ENPP5: variants seen among roughly 807,000 people sequenced by gnomAD.
The protein encoded by ENPP5 is ectonucleotide pyrophosphatase/phosphodiesterase family member 5.
Under a neutral mutation model 33.7 loss-of-function variants are expected in ENPP5, and 27 were observed. The observed-to-expected ratio is 0.80, with a 90% confidence interval of 0.59 to 1.11. ENPP5 has a LOEUF of 1.11. Ranked by LOEUF, ENPP5 falls within the 50% of genes least tolerant of loss-of-function variation. The pLI is 0.00. For missense variants in ENPP5, 552 were observed against 579.2 expected (o/e 0.95, Z 0.48); for synonymous variants, 199 against 200.5 (o/e 0.99, Z 0.06).
chr6:46,167,719 G>C lies in ENPP5; in HGVS notation c.544C>G (p.Leu182Val). Residue 182 changes from leucine to valine, a missense_variant, in exon 3 of 5, where the codon CTT (leucine) becomes GTT (valine). Physicochemically the swap from Leu to Val is conservative, Grantham distance 32 (BLOSUM62 1). Coordinates refer to ENST00000371383, the MANE Select transcript of ENPP5 (RefSeq NM_001290072.2). ...EWFTSKEPIN[L>V]GLLYWEDPDD... ...GGGTCTTCCCAATAGAGAAGACCAA[G>C]ATTTATGGGCTCTTTTGACGTAAAC... The C allele has an allele frequency of 6.2e-7, 1 of 1,614,174 alleles. No individual in the cohort carries two copies. Among genetic ancestry groups the C allele is most frequent in the South Asian group, 1.1e-5 (1 of 91,084 alleles).
chr6:46,163,052 G>A (rs1380476626), intron 4 of ENPP5, among the ~76,000 whole-genome samples: 1 of 152,020 alleles, frequency 6.6e-6, no homozygotes, highest in East Asian at 1.9e-4. Flanking sequence ...CTATGAATAG[G>A]GACTTTGTTT....
chr6:46,161,057 C>T lies in ENPP5; in HGVS notation c.*269G>A, dbSNP rs2235882. ...AGTTGCTAAATATATACATTATCTG[C>T]GCCAAGTCCAAATAAAGCAGGATCT... On this transcript the variant is annotated 3_prime_UTR_variant, in exon 5 of 5. Coordinates refer to ENST00000371383, the MANE Select transcript of ENPP5 (RefSeq NM_001290072.2). 0.11 allele frequency: 43,805 copies of T among 406,400 alleles called. 2,948 individuals carry two copies. Among genetic ancestry groups the T allele is most frequent in the South Asian group, 0.21 (6,025 of 29,084 alleles). 25.2% of individuals were successfully genotyped at this position (406,400 alleles called of 1,614,324 possible).
chr6:46,165,644 G>T, intron 3 of ENPP5, 81 bp from the exon 4 acceptor site: 1 of 1,127,650 alleles, frequency 8.9e-7, no homozygotes, highest in Non-Finnish European at 1.2e-6. Flanking sequence ...TGCTACGGAG[G>T]TGAAAAACCA....
chr6:46,168,058 T>C lies in ENPP5; in HGVS notation c.205A>G (p.Ile69Val), dbSNP rs34432940. The change falls in exon 3 of 5, where the codon ATT becomes GTT. Residue 69 changes from isoleucine to valine, a missense_variant. Ile to Val is a conservative substitution (Grantham distance 29). Transcript: ENST00000371383. The stretch of plus-strand genomic sequence containing the variant: ...TAATGGTTAGGGTAGGTTTTTGTAA[T>C]AAAAACATTAGTAACTTGCTTCACG... ...VHVKQVTNVF[I>V]TKTYPNHYTL... 10,150 of 1,613,956 alleles carry C rather than the reference T, an allele frequency of 6.3e-3. 55 individuals carry two copies. The highest frequency in any genetic ancestry group is 0.012 in the Middle Eastern group (71 of 6,062).
At chr6:46,166,818 T>G (rs1764560504) in intron 3 of ENPP5, among the ~76,000 whole-genome samples, 6 of 152,216 alleles carry the variant, frequency 3.9e-5, no homozygotes, top group Admixed American at 2.0e-4. Flanking sequence ...TTGTCACTTA[T>G]TTTGTGACCT....
chr6:46,161,826 T>A, intron 4 of ENPP5, 73 bp from the exon 5 acceptor site: 1 of 1,105,148 alleles, frequency 9.0e-7, no homozygotes, highest in Non-Finnish European at 1.3e-6. Flanking sequence ...TATGGTCAAA[T>A]TCTGAACTTA....
In ENPP5 at chr6:46,160,204, T is replaced by A. The variant is rs1296001945; in HGVS notation, c.*1122A>T. On this transcript the variant is annotated 3_prime_UTR_variant, in exon 5 of 5. Transcript: ENST00000371383. ...TAGTATGCACACTTTACCACTGTTC[T>A]GGGTGTCTTGTAAACATCTCACATG... The A allele has an allele frequency of 6.6e-6, 1 of 152,222 alleles. No homozygotes were observed. The highest frequency in any genetic ancestry group is 1.5e-5 in the Non-Finnish European group (1 of 68,042). The allele number at this position is 152,222 out of a possible 1,614,324, so 9.4% of individuals were successfully genotyped here.
intron 4 of ENPP5, among the ~76,000 whole-genome samples, chr6:46,164,728 AT>A (rs779495236): frequency 8.0e-4 from 74 of 92,872 alleles, no homozygotes; most frequent in African/African-American, 8.4e-4. Context: ...AAAACTGTTT[AT>A]TTTTTTTTTT....
Position 46,160,426 on chromosome 6 carries a change from A to G in ENPP5, c.*900T>C, listed in dbSNP as rs1722147190. On this transcript the variant is annotated 3_prime_UTR_variant, in exon 5 of 5. Coordinates refer to ENST00000371383, the MANE Select transcript of ENPP5 (RefSeq NM_001290072.2). ...ATCCAATTTGATTTTTAATGTAATTAATAGTGATTTAATTTTCAAAGGAGC... is the reference window on the plus strand; with the variant it reads ...ATCCAATTTGATTTTTAATGTAATTGATAGTGATTTAATTTTCAAAGGAGC... 1 of 152,218 alleles carries G rather than the reference A, an allele frequency of 6.6e-6. No homozygotes were observed. The highest frequency in any genetic ancestry group is 2.4e-5 in the African/African-American group (1 of 41,450). 9.4% of individuals were successfully genotyped at this position (152,218 alleles called of 1,614,324 possible). A position where few individuals can be genotyped will look rare whatever the true frequency, so the allele number is the denominator to read the frequency against.
chr6:46,167,843 G>T lies in ENPP5; in HGVS notation c.420C>A (p.Pro140=). 6.2e-7 allele frequency: 1 copy of T among 1,614,056 alleles called. No individual in the cohort carries two copies. Among genetic ancestry groups the T allele is most frequent in the Non-Finnish European group, 8.5e-7 (1 of 1,180,014 alleles). The change falls in exon 3 of 5, where the codon CCC becomes CCA. Residue 140 remains proline, a synonymous_variant. Coordinates refer to ENST00000371383, the MANE Select transcript of ENPP5 (RefSeq NM_001290072.2). ...AGHTSGAAMW[P]GTDVKIHKRF... ...GCTTATGTATTTTTACATCTGTTCC[G>T]GGCCACATGGCTGCACCACTAGTAT...
chr6:46,167,474 CAG>C lies in ENPP5; in HGVS notation c.787_788del (p.Leu263AspfsTer2). 6.2e-7 allele frequency: 1 copy of C among 1,611,372 alleles called. No homozygotes were observed. The highest frequency in any genetic ancestry group is 8.5e-7 in the Non-Finnish European group (1 of 1,177,950). ...DQYLDKDHYT[L>X]IDQSPVAAIL... is the part of the protein sequence containing the mutation. ...TGGCTGCTACTGGAGATTGATCAAT[CAG>C]GGTATAGTGGTCTTTATCCAGGTAC... On this transcript the variant is annotated frameshift_variant, in exon 3 of 5. Coordinates refer to ENST00000371383, the MANE Select transcript of ENPP5 (RefSeq NM_001290072.2). LOFTEE classifies it high-confidence loss of function.
In ENPP5 at chr6:46,161,079, A is replaced by T. The variant is rs557058138; in HGVS notation, c.*247T>A. On this transcript the variant is annotated 3_prime_UTR_variant, in exon 5 of 5. Coordinates refer to ENST00000371383, the MANE Select transcript of ENPP5 (RefSeq NM_001290072.2). The stretch of plus-strand genomic sequence containing the variant: ...CTGCGCCAAGTCCAAATAAAGCAGG[A>T]TCTTATCTATCCCTATGCTACAGTG... 1 of 463,518 alleles carries T rather than the reference A, an allele frequency of 2.2e-6. No homozygotes were observed. Among genetic ancestry groups the T allele is most frequent in the African/African-American group, 1.9e-5 (1 of 51,706 alleles). 28.7% of individuals were successfully genotyped at this position (463,518 alleles called of 1,614,324 possible).
At position 46,170,111 on chromosome 6, in the gene ENPP5, C is replaced by G. The variant is rs1764691578; in HGVS notation, c.-94G>C. On this transcript the variant is annotated 5_prime_UTR_variant, in exon 2 of 5. Transcript: ENST00000371383. Reference sequence around the variant, plus strand: ...TCCTTTCTCCCCCTAATTTTCTCTCCCACCTTTTTAAAACAAGGAAGGCTA... The same window carrying G: ...TCCTTTCTCCCCCTAATTTTCTCTCGCACCTTTTTAAAACAAGGAAGGCTA... 1 of 152,158 alleles carries G rather than the reference C, an allele frequency of 6.6e-6. No homozygotes were observed. The highest frequency in any genetic ancestry group is 1.5e-5 in the Non-Finnish European group (1 of 68,056). The allele number at this position is 152,158 out of a possible 1,614,324, so 9.4% of individuals were successfully genotyped here.
intron 4 of ENPP5, 39 bp downstream of exon 4, chr6:46,165,348 A>T: frequency 6.9e-7 from 1 of 1,457,688 alleles, no homozygotes; most frequent in Non-Finnish European, 9.1e-7. Context: ...TTTAGCAAAA[A>T]GTAATGCAGA....
At chr6:46,165,675 A>C (rs1562070051) in intron 3 of ENPP5, 112 bp from the exon 4 acceptor site, 1 of 858,022 alleles carries the variant, frequency 1.2e-6, no homozygotes, top group Non-Finnish European at 1.7e-6. Flanking sequence ...CATAAGAAAA[A>C]ATTCTTTTTC....
Position 46,168,255 on chromosome 6 carries a change from G to A in ENPP5, c.8C>T (p.Ser3Leu), listed in dbSNP as rs746007899. MT[S>L]KFLLVSFILA... ...TATGAAGGACACCAAGAGAAATTTC[G>A]AAGTCATTTTCAAAGTACTTGATCA... Residue 3 changes from serine (S) to leucine (L), a missense_variant, in exon 3 of 5, where the codon TCG becomes TTG. Physicochemically the swap from Ser to Leu is moderately radical, Grantham distance 145. Transcript: ENST00000371383. The A allele has an allele frequency of 1.9e-6, 3 of 1,572,100 alleles. No individual in the cohort carries two copies. Among genetic ancestry groups the A allele is most frequent in the East Asian group, 2.3e-5 (1 of 44,332 alleles).
In ENPP5 at chr6:46,167,939, G is replaced by A. The variant is rs766569138; in HGVS notation, c.324C>T (p.His108=). Residue 108 remains histidine (H), a synonymous_variant, in exon 3 of 5, where the codon CAC becomes CAT. Transcript: ENST00000371383. ...PIRNKSFSLD[H]MNIYDSKFWE... is the part of the protein sequence containing the mutation. Reference sequence around the variant, plus strand: ...AAAACTTGGAATCATAAATATTCATGTGATCCAAGGAGAAAGATTTGTTCC... The same window carrying A: ...AAAACTTGGAATCATAAATATTCATATGATCCAAGGAGAAAGATTTGTTCC... 3 of 1,614,160 alleles carry A rather than the reference G, an allele frequency of 1.9e-6. No individual in the cohort carries two copies. The highest frequency in any genetic ancestry group is 3.3e-5 in the Admixed American group (2 of 60,024).
chr6:46,165,589 C>G (rs375232379), intron 3 of ENPP5, 26 bp from the exon 4 acceptor site: 1 of 1,502,502 alleles, frequency 6.7e-7, no homozygotes, highest in Admixed American at 2.4e-5. Flanking sequence ...GAGAGGCACT[C>G]AGAACAAAAT....
At chr6:46,170,313 G>A (rs1581975536) in intron 1 of ENPP5, among the ~76,000 whole-genome samples, 199 bp from the exon 2 acceptor site, 2 of 152,188 alleles carry the variant, frequency 1.3e-5, no homozygotes, top group Admixed American at 1.3e-4. Context: ...AGGAATGTTT[G>A]GCAAGAAGAC....
Sources: gnomAD v4.1 joint callset for allele counts (sites outside exome capture counted in the v4.1 genomes callset) on GRCh38, gnomAD v4.1.1 for gene constraint, MANE v1.5 for transcripts, NCBI Gene and HGNC (gene_info 2026-07-23, HGNC 2026-07-21) for gene names.